RIPOR3: variants seen among roughly 807,000 people sequenced by gnomAD.
The protein encoded by RIPOR3 is family with sequence similarity 65 member C.
In RIPOR3, 95 loss-of-function variants were observed where a neutral mutation model predicts 114.3. The observed-to-expected ratio is 0.83, with a 90% CI of 0.70 to 0.99. RIPOR3 has a LOEUF of 0.99. Ranked by LOEUF, RIPOR3 falls within the 50% of genes least tolerant of loss-of-function variation. The pLI is 0.00. For synonymous variants in RIPOR3, 575 were observed against 543.8 expected, an observed-to-expected ratio of 1.06 and a Z score of -0.80; for missense variants, 1,252 against 1,266.9, an observed-to-expected ratio of 0.99 and a Z score of 0.18.
rs1429493502 is a variant in RIPOR3 at position 50,602,625 on chromosome 20, G to A, written c.1106C>T (p.Thr369Ile). The A allele has an allele frequency of 1.3e-6, 2 of 1,506,782 alleles. No homozygotes were observed. Among genetic ancestry groups the A allele is most frequent in the Non-Finnish European group, 1.8e-6 (2 of 1,128,346 alleles). The allele number at this position is 1,506,782 out of a possible 1,614,324, so 93.3% of individuals were successfully genotyped here. ...RYYLSVLQQP[T>I]QQALLLGGPR... Reference sequence around the variant, plus strand: ...GCCACCCAGCAGCAAGGCCTGCTGTGTTGGCTGCTGTAGGACAGACTGGAG... The same window carrying A: ...GCCACCCAGCAGCAAGGCCTGCTGTATTGGCTGCTGTAGGACAGACTGGAG... The change falls in exon 13 of 22, where the codon ACA becomes ATA. Residue 369 changes from threonine (T) to isoleucine (I), a missense_variant. Coordinates refer to ENST00000327979, the MANE Select transcript of RIPOR3 (RefSeq NM_001290268.2). This position sits in a 1 kb window ranked among gnomAD's most constrained non-coding sequence, Gnocchi z 4.3.
At chr20:50,680,175 T>G (rs1212408361) in intron 1 of RIPOR3, among the ~76,000 whole-genome samples, 1 of 152,200 alleles carries the variant, frequency 6.6e-6, no homozygotes, top group Non-Finnish European at 1.5e-5. Flanking sequence ...GAGGCTCAAC[T>G]GAAGCCTGCA....
Position 50,587,340 on chromosome 20 carries a change from A to G in RIPOR3, c.2753-8T>C. Reference sequence around the variant, plus strand: ...CTAACCGTCCTTTTTCACCTGAAATAGCAAAGGGACCTGTCAGCGGGTTGG... The same window carrying G: ...CTAACCGTCCTTTTTCACCTGAAATGGCAAAGGGACCTGTCAGCGGGTTGG... On this transcript the variant is annotated splice_region_variant and splice_polypyrimidine_tract_variant and intron_variant, in intron 21 of 21. Coordinates refer to ENST00000327979, the MANE Select transcript of RIPOR3 (RefSeq NM_001290268.2). 1 of 1,612,814 alleles carries G rather than the reference A, an allele frequency of 6.2e-7. No individual in the cohort carries two copies.
rs933636080 is a variant in RIPOR3 at position 50,637,192 on chromosome 20, A to G, written c.4-6336T>C. On this transcript the variant is annotated intron_variant, in intron 1 of 21. Transcript: ENST00000327979. ...TTTTACCGATGTCAAGACTAAGCCC[A>G]GGATGGTCACACAACTTGCCTGGAC... Among the ~76,000 whole-genome samples, 4 of 152,274 alleles carry G rather than the reference A, an allele frequency of 2.6e-5. No homozygotes were observed. In the East Asian group the frequency reaches 7.7e-4, roughly 29 times the overall value.
intron 11 of RIPOR3, among the ~76,000 whole-genome samples, chr20:50,606,869 AT>A (rs2083741214): frequency 6.6e-6 from 1 of 152,022 alleles, no homozygotes; most frequent in African/African-American, 2.4e-5. Flanking sequence ...AGCTGAAACT[AT>A]AGGCCCGTGC....
chr20:50,589,198 TCACA>T (rs1568810627), intron 20 of RIPOR3, among the ~76,000 whole-genome samples: 1 of 151,558 alleles, frequency 6.6e-6, no homozygotes, highest in Admixed American at 6.6e-5. Context: ...TTTTAAATGC[TCACA>T]CACACCCACA....
At chr20:50,675,550 G>A (rs760766330) in intron 1 of RIPOR3, among the ~76,000 whole-genome samples, 4 of 152,214 alleles carry the variant, frequency 2.6e-5, no homozygotes, top group Non-Finnish European at 4.4e-5. Flanking sequence ...TGTATGCCAA[G>A]TGCTAGAGCC....
chr20:50,604,853 A>G, intron 11 of RIPOR3, 79 bp from the exon 12 acceptor site: 1 of 1,528,458 alleles, frequency 6.5e-7, no homozygotes, highest in Non-Finnish European at 8.8e-7. Context: ...CAGGGCTCTT[A>G]GGTTATGCAG....
chr20:50,597,531 C>A, intron 14 of RIPOR3, 49 bp downstream of exon 14: 1 of 1,567,356 alleles, frequency 6.4e-7, no homozygotes, highest in Admixed American at 1.9e-5. Flanking sequence ...TCGGGTCACC[C>A]GGTGGGAGTG....
chr20:50,673,694 G>A (rs945451552), intron 1 of RIPOR3, among the ~76,000 whole-genome samples: 12 of 152,110 alleles, frequency 7.9e-5, no homozygotes, highest in Admixed American at 5.9e-4. Flanking sequence ...ATCTGGCAGC[G>A]TGACCGTTTG....
At chr20:50,630,640 C>G in intron 2 of RIPOR3, 98 bp downstream of exon 2, 1 of 1,040,704 alleles carries the variant, frequency 9.6e-7, no homozygotes, top group African/African-American at 1.6e-5. Context: ...AGTGGGCCTT[C>G]GGGTCTCTGG....
chr20:50,603,547 G>A (rs2426166), intron 12 of RIPOR3, among the ~76,000 whole-genome samples: 121,887 of 152,170 alleles, frequency 0.8, 49,202 homozygotes, highest in East Asian at 0.92. Flanking sequence ...CCTAGTTTTG[G>A]ATGAATGAAG....
At chr20:50,609,899 G>A (rs1161832882) in intron 6 of RIPOR3, among the ~76,000 whole-genome samples, 177 bp from the exon 7 acceptor site, 1 of 152,044 alleles carries the variant, frequency 6.6e-6, no homozygotes, top group Non-Finnish European at 1.5e-5. Context: ...CCTGGCCCCA[G>A]TAGAACATGA....
At chr20:50,593,585 G>C (rs2083184691) in intron 17 of RIPOR3, among the ~76,000 whole-genome samples, 1 of 151,848 alleles carries the variant, frequency 6.6e-6, no homozygotes, top group African/African-American at 2.4e-5. Flanking sequence ...AAAAAAAAAG[G>C]GTTTCTGATG....
intron 1 of RIPOR3, among the ~76,000 whole-genome samples, chr20:50,685,213 T>G (rs2086972345): frequency 1.4e-5 from 2 of 140,012 alleles, no homozygotes. Flanking sequence ...GAGCTGATGA[T>G]GGGATAGAAT....
chr20:50,658,736 G>A (rs1275603118), intron 1 of RIPOR3, among the ~76,000 whole-genome samples: 1 of 152,054 alleles, frequency 6.6e-6, no homozygotes, highest in Non-Finnish European at 1.5e-5. Context: ...ATCTTTACAT[G>A]TTATTTTATA....
chr20:50,687,279 T>C (rs1379667943), intron 1 of RIPOR3, among the ~76,000 whole-genome samples: 1 of 152,214 alleles, frequency 6.6e-6, no homozygotes, highest in Admixed American at 6.5e-5. Context: ...GGATCTCTAC[T>C]CCACCCGATC....
chr20:50,667,539 G>C (rs545201842), intron 1 of RIPOR3, among the ~76,000 whole-genome samples: 17 of 152,234 alleles, frequency 1.1e-4, no homozygotes, highest in African/African-American at 3.6e-4. Flanking sequence ...TGATCCGCCT[G>C]CCTCGGCCTC....
intron 16 of RIPOR3, chr20:50,595,039 C>T: frequency 2.1e-6 from 1 of 480,544 alleles, no homozygotes. Context: ...TGTTTGACGG[C>T]ACATTCTGCA....
At chr20:50,634,770 C>T (rs949175329) in intron 1 of RIPOR3, among the ~76,000 whole-genome samples, 1 of 152,228 alleles carries the variant, frequency 6.6e-6, no homozygotes, top group Non-Finnish European at 1.5e-5. Flanking sequence ...CAGTGGCTCA[C>T]ACCTGTAATC....
Sources: allele counts gnomAD v4.1 joint callset (sites outside exome capture counted in the v4.1 genomes callset), GRCh38; gene constraint gnomAD v4.1.1; non-coding constraint Gnocchi (gnomAD v3.1); transcripts MANE v1.5; gene names NCBI Gene and HGNC (gene_info 2026-07-23, HGNC 2026-07-21).